The following MRAP2 variants were observed in gnomAD, a reference collection of about 807,000 sequenced individuals.
MRAP2 encodes the protein melanocortin-2 receptor accessory protein 2.
Under a neutral mutation model 17.4 loss-of-function variants are expected in MRAP2, and 20 were observed. That is an observed-to-expected ratio of 1.15 (90% CI 0.81 to 1.67). MRAP2 has a LOEUF of 1.67. MRAP2 is among the 40% of genes most tolerant of loss of function. The pLI is 0.00. For synonymous variants in MRAP2, 96 were observed against 88.4 expected, an observed-to-expected ratio of 1.09 and a Z score of -0.48; for missense variants, 238 against 240.0, an observed-to-expected ratio of 0.99 and a Z score of 0.05.
the MRAP2 span, among the ~76,000 whole-genome samples, chr6:84,108,946 C>A: frequency 1.3e-5 from 2 of 152,120 alleles, no homozygotes; most frequent in Non-Finnish European, 2.9e-5. Context: ...TTCCCCCTGG[C>A]TTGTTTTTGT....
chr6:84,141,754 C>G, the MRAP2 span, among the ~76,000 whole-genome samples: 2 of 152,188 alleles, frequency 1.3e-5, no homozygotes, highest in African/African-American at 4.8e-5. Context: ...GGCAGCCAGG[C>G]TGGCTTTGCT....
At chr6:84,073,074 C>T (rs1057230243) in intron 3 of MRAP2, among the ~76,000 whole-genome samples, 5 of 152,274 alleles carry the variant, frequency 3.3e-5, no homozygotes. Context: ...GTGTCCTTCC[C>T]CGAATTCTGG....
the MRAP2 span, among the ~76,000 whole-genome samples, chr6:84,100,602 T>G: frequency 6.6e-6 from 1 of 152,218 alleles, no homozygotes; most frequent in East Asian, 1.9e-4. Flanking sequence ...TTACACCCTG[T>G]TCTCCCTAAA....
chr6:84,089,520 T>A lies in MRAP2; in HGVS notation c.*39T>A, dbSNP rs369124995. 1 of 1,571,698 alleles carries A rather than the reference T, an allele frequency of 6.4e-7. No individual in the cohort carries two copies. Among genetic ancestry groups the A allele is most frequent in the South Asian group, 1.2e-5 (1 of 83,854 alleles). On this transcript the variant is annotated 3_prime_UTR_variant, in exon 4 of 4. Coordinates refer to ENST00000257776, the MANE Select transcript of MRAP2 (RefSeq NM_138409.4). ...TAAAGGGTCTTCCTGAAGATGTGGATTCTATCTTTATGTAGCAAGAAATCT... is the reference window on the plus strand; with the variant it reads ...TAAAGGGTCTTCCTGAAGATGTGGAATCTATCTTTATGTAGCAAGAAATCT...
chr6:84,040,696 CT>C (rs1436338574), intron 1 of MRAP2, among the ~76,000 whole-genome samples: 2 of 152,134 alleles, frequency 1.3e-5, no homozygotes, highest in Non-Finnish European at 2.9e-5. Flanking sequence ...AAAGGTGACT[CT>C]TGCTATGGTT....
chr6:84,071,269 G>A (rs1435130985), intron 3 of MRAP2, among the ~76,000 whole-genome samples: 2 of 152,156 alleles, frequency 1.3e-5, no homozygotes, highest in African/African-American at 4.8e-5. Flanking sequence ...TTGTAGTGGT[G>A]GCTTGGTTGT....
At chr6:84,066,861 A>G (rs1314522200) in intron 3 of MRAP2, among the ~76,000 whole-genome samples, 1 of 152,194 alleles carries the variant, frequency 6.6e-6, no homozygotes, top group African/African-American at 2.4e-5. Flanking sequence ...CTTCTATTGA[A>G]CCGGAGATGT....
chr6:84,035,477 C>G, intron 1 of MRAP2: 1 of 908,132 alleles, frequency 1.1e-6, no homozygotes, highest in African/African-American at 1.8e-5. Context: ...TGGGCTGTGA[C>G]TCATTAGGCT....
At chr6:84,052,394 G>T (rs2099490661) in intron 1 of MRAP2, among the ~76,000 whole-genome samples, 2 of 152,166 alleles carry the variant, frequency 1.3e-5, no homozygotes, top group Non-Finnish European at 1.5e-5. Flanking sequence ...CTGCTACTTG[G>T]ACATGCTGGC....
the MRAP2 span, among the ~76,000 whole-genome samples, chr6:84,141,242 A>G: frequency 1.4e-5 from 2 of 141,018 alleles, no homozygotes; most frequent in African/African-American, 6.5e-5. Flanking sequence ...GAGTTTTTAT[A>G]TCAAAAAATG....
chr6:84,101,411 A>G, the MRAP2 span, among the ~76,000 whole-genome samples: 1 of 152,210 alleles, frequency 6.6e-6, no homozygotes, highest in Non-Finnish European at 1.5e-5. Flanking sequence ...AGCATCTGAC[A>G]AGTTAGCAGC....
At chr6:84,106,141 G>C in the MRAP2 span, among the ~76,000 whole-genome samples, 2 of 152,112 alleles carry the variant, frequency 1.3e-5, no homozygotes, top group Non-Finnish European at 1.5e-5. Context: ...CAAGCCAGCT[G>C]CTTCAGGATG....
the MRAP2 span, among the ~76,000 whole-genome samples, chr6:84,097,715 A>G: frequency 9.2e-5 from 14 of 152,284 alleles, no homozygotes; most frequent in East Asian, 2.7e-3. Context: ...ATTTGCATCT[A>G]TTGTTTAATG....
the MRAP2 span, among the ~76,000 whole-genome samples, chr6:84,140,959 C>A: frequency 3.3e-5 from 5 of 152,184 alleles, no homozygotes; most frequent in African/African-American, 1.2e-4. Context: ...ATGATTCAAG[C>A]TCATCACATT....
At chr6:84,038,955 G>C (rs1468101470) in intron 1 of MRAP2, among the ~76,000 whole-genome samples, 1 of 152,220 alleles carries the variant, frequency 6.6e-6, no homozygotes, top group Non-Finnish European at 1.5e-5. Flanking sequence ...AGTTGTGCTA[G>C]CTCAGAGTAG....
chr6:84,102,292 C>A, the MRAP2 span, among the ~76,000 whole-genome samples: 1,085 of 152,234 alleles, frequency 7.1e-3, 9 homozygotes, highest in African/African-American at 0.025. Flanking sequence ...AGATTAAGGA[C>A]CTTGAGATGA....
At chr6:84,040,211 G>A (rs9344383) in intron 1 of MRAP2, among the ~76,000 whole-genome samples, 11,623 of 152,188 alleles carry the variant, frequency 0.076, 812 homozygotes, top group East Asian at 0.4. Flanking sequence ...CCTTGCTGCC[G>A]CTATGTAAAG....
At chr6:84,080,948 T>C (rs796168134) in intron 3 of MRAP2, among the ~76,000 whole-genome samples, 16 of 152,296 alleles carry the variant, frequency 1.1e-4, no homozygotes, top group African/African-American at 3.6e-4. Flanking sequence ...GGAATATATC[T>C]AGGTACAGTA....
chr6:84,104,879 A>G, the MRAP2 span, among the ~76,000 whole-genome samples: 3 of 151,976 alleles, frequency 2.0e-5, no homozygotes, highest in East Asian at 1.9e-4. Flanking sequence ...AAAAAAAAAG[A>G]AATTTCTTTC....
Sources: gnomAD v4.1 joint callset for allele counts (sites outside exome capture counted in the v4.1 genomes callset) on GRCh38, gnomAD v4.1.1 for gene constraint, MANE v1.5 for transcripts, NCBI Gene and HGNC (gene_info 2026-07-23, HGNC 2026-07-21) for gene names.